The following LRRIQ1 variants were observed in gnomAD, a reference collection of about 807,000 sequenced individuals.
The protein encoded by LRRIQ1 is leucine-rich repeat- and IQ domain-containing protein 1.
LRRIQ1 carries 210 observed loss-of-function variants against 211.9 expected under a neutral mutation model. The ratio of observed to expected loss-of-function variants is 0.99; its 90% CI spans 0.89 to 1.11. LRRIQ1 has a LOEUF of 1.11. Among genes scored for constraint, LRRIQ1 ranks in the 50% most tolerant of loss-of-function variants. LRRIQ1 has a pLI of 0.00. For synonymous variants in LRRIQ1, 699 were observed against 650.1 expected (o/e 1.08, Z -1.14); for missense variants, 2,136 against 1,939.5 (o/e 1.10, Z -1.90).
At chr12:85,207,265 A>G (rs1402758583) in intron 24 of LRRIQ1, among the ~76,000 whole-genome samples, 1 of 151,432 alleles carries the variant, frequency 6.6e-6, no homozygotes, top group Non-Finnish European at 1.5e-5. Context: ...TCCACTCTCA[A>G]TGCCTTCCTT....
intron 1 of LRRIQ1, among the ~76,000 whole-genome samples, chr12:85,262,198 G>C (rs977804620): frequency 3.3e-5 from 5 of 152,054 alleles, no homozygotes; most frequent in African/African-American, 1.2e-4. Context: ...ACCTCTCAAA[G>C]TTTTTATTAT....
intron 19 of LRRIQ1, among the ~76,000 whole-genome samples, chr12:85,143,602 G>A (rs936284149): frequency 6.6e-6 from 1 of 151,512 alleles, no homozygotes; most frequent in Non-Finnish European, 1.5e-5. Context: ...CCTACTTTGT[G>A]TTCATTAATC....
chr12:85,244,660 G>A (rs1368286496), intron 26 of LRRIQ1, 129 bp from the exon 27 acceptor site: 1 of 810,078 alleles, frequency 1.2e-6, no homozygotes, highest in African/African-American at 1.8e-5. Context: ...AGCAATAAAG[G>A]ATTGTGGTAT....
chr12:85,045,885 T>C, intron 4 of LRRIQ1, 135 bp from the exon 5 acceptor site: 1 of 448,896 alleles, frequency 2.2e-6, no homozygotes, highest in Non-Finnish European at 3.9e-6. Flanking sequence ...GTGCTGCAGA[T>C]TTGTATTTGA....
intron 19 of LRRIQ1, among the ~76,000 whole-genome samples, chr12:85,142,657 A>G (rs1889623138): frequency 6.6e-6 from 1 of 151,414 alleles, no homozygotes; most frequent in African/African-American, 2.4e-5. Flanking sequence ...AGTAATCACC[A>G]TTATACTCTC....
intron 2 of LRRIQ1, among the ~76,000 whole-genome samples, chr12:85,039,433 A>G (rs1878593634): frequency 6.6e-6 from 1 of 151,666 alleles, no homozygotes; most frequent in South Asian, 2.1e-4. Flanking sequence ...AGAAATCTCA[A>G]TGCAGGACAG....
chr12:85,065,444 T>A (rs903730002), intron 9 of LRRIQ1, 30 bp downstream of exon 9: 1 of 1,489,042 alleles, frequency 6.7e-7, no homozygotes, highest in Non-Finnish European at 9.0e-7. Context: ...GTTATTTATT[T>A]TATAATAAAA....
intron 26 of LRRIQ1, 104 bp downstream of exon 26, chr12:85,232,860 C>A (rs1895011073): frequency 1.7e-5 from 13 of 778,792 alleles, no homozygotes; most frequent in Non-Finnish European, 2.0e-5. Flanking sequence ...AATATCACAA[C>A]TGTATCTATT....
intron 26 of LRRIQ1, among the ~76,000 whole-genome samples, chr12:85,239,399 A>G (rs996279670): frequency 2.1e-5 from 3 of 142,838 alleles, no homozygotes; most frequent in East Asian, 2.0e-4. Context: ...GTATATATAT[A>G]CACACACATA....
intron 19 of LRRIQ1, among the ~76,000 whole-genome samples, chr12:85,145,463 T>A (rs1041732239): frequency 6.6e-6 from 1 of 151,620 alleles, no homozygotes; most frequent in African/African-American, 2.4e-5. Context: ...TACCCTAATT[T>A]ATTAAGTGCC....
chr12:85,248,416 T>A (rs1252410363), downstream of LRRIQ1, among the ~76,000 whole-genome samples: 1 of 151,672 alleles, frequency 6.6e-6, no homozygotes, highest in Non-Finnish European at 1.5e-5. Context: ...ATTATTATAA[T>A]TTTTAATCAT....
intron 13 of LRRIQ1, among the ~76,000 whole-genome samples, chr12:85,102,683 T>G (rs1450082761): frequency 6.6e-6 from 1 of 151,420 alleles, no homozygotes; most frequent in Non-Finnish European, 1.5e-5. Context: ...GCTTCTGACC[T>G]GAGAATATAA....
At chr12:85,267,666 C>G (rs2137354980), downstream of LRRIQ1, among the ~76,000 whole-genome samples, 1 of 152,046 alleles carries the variant, frequency 6.6e-6, no homozygotes. Context: ...AAATTTGATC[C>G]AACCATGGAT....
intron 24 of LRRIQ1, among the ~76,000 whole-genome samples, chr12:85,220,439 C>A (rs1894344039): frequency 6.6e-6 from 1 of 151,644 alleles, no homozygotes; most frequent in Non-Finnish European, 1.5e-5. Context: ...TTAATGAACA[C>A]TTTTGTTGTG....
At chr12:85,139,832 A>G (rs1889393418) in intron 19 of LRRIQ1, among the ~76,000 whole-genome samples, 1 of 151,368 alleles carries the variant, frequency 6.6e-6, no homozygotes, top group African/African-American at 2.4e-5. Flanking sequence ...CATGCTGCTG[A>G]TTAGCACGTT....
At chr12:85,073,736 A>G (rs2136114282) in intron 11 of LRRIQ1, among the ~76,000 whole-genome samples, 1 of 152,174 alleles carries the variant, frequency 6.6e-6, no homozygotes, top group East Asian at 1.9e-4. Context: ...GTACAATGAA[A>G]ACACTGTATT....
intron 11 of LRRIQ1, among the ~76,000 whole-genome samples, chr12:85,082,517 T>C (rs530794276): frequency 7.4e-4 from 113 of 152,308 alleles, no homozygotes; most frequent in Non-Finnish European, 1.5e-3. Flanking sequence ...TGAAACATTA[T>C]GTATGTGTGA....
intron 24 of LRRIQ1, among the ~76,000 whole-genome samples, chr12:85,194,706 C>G (rs1258514943): frequency 6.6e-6 from 1 of 151,840 alleles, no homozygotes; most frequent in Non-Finnish European, 1.5e-5. Flanking sequence ...ACTAAGTGCC[C>G]ACAAGAGAAA....
At chr12:85,218,315 C>T (rs1894250215) in intron 24 of LRRIQ1, among the ~76,000 whole-genome samples, 2 of 151,836 alleles carry the variant, frequency 1.3e-5, no homozygotes, top group Admixed American at 6.6e-5. Context: ...CCTAGAACCC[C>T]GAAGTTGACC....
Sources: gnomAD v4.1 joint callset for allele counts (sites outside exome capture counted in the v4.1 genomes callset) on GRCh38, gnomAD v4.1.1 for gene constraint, MANE v1.5 for transcripts, NCBI Gene and HGNC (gene_info 2026-07-23, HGNC 2026-07-21) for gene names.